The following KIF6 variants were observed in gnomAD, a reference collection of about 807,000 sequenced individuals.
The protein encoded by KIF6 is kinesin-like protein KIF6.
Under a neutral mutation model 112.7 loss-of-function variants are expected in KIF6, and 106 were observed. That is an observed-to-expected ratio of 0.94 (90% CI 0.80 to 1.11). The LOEUF (loss-of-function observed/expected upper bound fraction) is 1.11. KIF6 is among the 50% of genes least tolerant of loss of function. The probability of loss-of-function intolerance (pLI) is 0.00; values close to 1 mark genes in which losing one functional copy is unlikely to be tolerated. For synonymous variants in KIF6, 339 were observed against 339.9 expected, an observed-to-expected ratio of 1.00 and a Z score of 0.03; for missense variants, 929 against 964.0, an observed-to-expected ratio of 0.96 and a Z score of 0.48.
At chr6:39,494,482 T>G (rs529308330) in intron 13 of KIF6, among the ~76,000 whole-genome samples, 2 of 152,116 alleles carry the variant, frequency 1.3e-5, no homozygotes, top group African/African-American at 2.4e-5. Context: ...AGAGAAGAGG[T>G]AGATACTTCC....
intron 15 of KIF6, among the ~76,000 whole-genome samples, chr6:39,416,999 G>GCTCCTGC (rs562804689): frequency 5.8e-4 from 88 of 152,278 alleles, no homozygotes; most frequent in African/African-American, 2.0e-3. Flanking sequence ...TTCATGTCAT[G>GCTCCTGC]CTCCTGCCTC....
At chr6:39,540,285 C>A in intron 12 of KIF6, 64 bp from the exon 13 acceptor site, 1 of 1,020,136 alleles carries the variant, frequency 9.8e-7, no homozygotes, top group Admixed American at 2.2e-5. Flanking sequence ...CACAAATGTC[C>A]TAAGTGTCAT....
chr6:39,362,395 G>T, intron 17 of KIF6, 39 bp downstream of exon 17: 1 of 1,502,742 alleles, frequency 6.7e-7, no homozygotes, highest in Non-Finnish European at 9.3e-7. Flanking sequence ...GACCCTGGGA[G>T]GCTGGGCTCG....
intron 15 of KIF6, among the ~76,000 whole-genome samples, chr6:39,389,548 C>A (rs1767699224): frequency 6.6e-6 from 1 of 152,118 alleles, no homozygotes; most frequent in Non-Finnish European, 1.5e-5. Flanking sequence ...AAATAGGTGG[C>A]CCGTGTGCTC....
At chr6:39,547,043 G>A (rs1327193398) in intron 10 of KIF6, among the ~76,000 whole-genome samples, 1 of 152,148 alleles carries the variant, frequency 6.6e-6, no homozygotes, top group Non-Finnish European at 1.5e-5. Flanking sequence ...TCTTAATAAG[G>A]AAGGTTTAAG....
At chr6:39,394,850 A>G (rs1376202368) in intron 15 of KIF6, among the ~76,000 whole-genome samples, 2 of 152,244 alleles carry the variant, frequency 1.3e-5, no homozygotes, top group Non-Finnish European at 2.9e-5. Flanking sequence ...AGCTCCTTAT[A>G]AAAGATATCA....
chr6:39,397,808 G>A (rs896253809), intron 15 of KIF6, among the ~76,000 whole-genome samples: 6 of 152,084 alleles, frequency 3.9e-5, no homozygotes, highest in Non-Finnish European at 8.8e-5. Context: ...CAGGGGGAGC[G>A]GGAAATCAGA....
In KIF6 at chr6:39,378,700, GTGTGA is replaced by G. The variant is rs1413986430; in HGVS notation, c.1861+6917_1861+6921del. On this transcript the variant is annotated intron_variant, in intron 16 of 22. Coordinates refer to ENST00000287152, the MANE Select transcript of KIF6 (RefSeq NM_145027.6). This position sits in a 1 kb window ranked among gnomAD's most constrained non-coding sequence, Gnocchi z 5.0. The stretch of plus-strand genomic sequence containing the variant: ...GACACATTTCACATGCTGCTTGGTA[GTGTGA>G]TGTATCTTTTAAATTTTAACCACAG... Among the ~76,000 whole-genome samples, 5 of 152,328 alleles carry G rather than the reference GTGTGA, an allele frequency of 3.3e-5. No homozygotes were observed. The highest frequency in any genetic ancestry group is 7.3e-5 in the Non-Finnish European group (5 of 68,034).
At chr6:39,450,690 A>T (rs999743958) in intron 13 of KIF6, among the ~76,000 whole-genome samples, 1 of 152,156 alleles carries the variant, frequency 6.6e-6, no homozygotes, top group African/African-American at 2.4e-5. Context: ...CTGCAGTCCC[A>T]GCTACTCAGG....
intron 16 of KIF6, among the ~76,000 whole-genome samples, chr6:39,377,342 C>G (rs115339699): frequency 0.017 from 2,503 of 151,512 alleles, 84 homozygotes; most frequent in African/African-American, 0.058. Flanking sequence ...AGCCACTGTG[C>G]CTGCCCTGCC....
intron 13 of KIF6, among the ~76,000 whole-genome samples, chr6:39,476,560 G>C (rs555474976): frequency 6.6e-6 from 1 of 152,264 alleles, no homozygotes; most frequent in Admixed American, 6.5e-5. Context: ...AAGAAATGAA[G>C]CTAGAAGTAG....
intron 2 of KIF6, 122 bp downstream of exon 2, chr6:39,720,580 G>T: frequency 1.6e-6 from 1 of 614,868 alleles, no homozygotes; most frequent in Middle Eastern, 4.1e-4. Context: ...TAGGTGAGAT[G>T]AAGAGCTGCG....
chr6:39,681,569 C>T (rs1272254830), intron 3 of KIF6, among the ~76,000 whole-genome samples: 1 of 152,132 alleles, frequency 6.6e-6, no homozygotes, highest in East Asian at 1.9e-4. Flanking sequence ...TTTCAATACT[C>T]AAATCCTTCA....
In KIF6 at chr6:39,343,638, C is replaced by G. The variant is rs1763474983; in HGVS notation, c.2428+71G>C. The G allele has an allele frequency of 3.1e-6, 4 of 1,301,064 alleles. No homozygotes were observed. Among genetic ancestry groups the G allele is most frequent in the South Asian group, 2.8e-5 (2 of 71,792 alleles). 80.6% of individuals were successfully genotyped at this position (1,301,064 alleles called of 1,614,324 possible). A position where few individuals can be genotyped will look rare whatever the true frequency, so the allele number is the denominator to read the frequency against. ...AGGAAACTCCCTACTCCCCTCCCAC[C>G]TCACTGTGTGCTCCCCACAAGTGTT... On this transcript the variant is annotated intron_variant, in intron 22 of 22. Coordinates refer to ENST00000287152, the MANE Select transcript of KIF6 (RefSeq NM_145027.6). This position sits in a 1 kb window ranked among gnomAD's most constrained non-coding sequence, Gnocchi z 4.1.
intron 3 of KIF6, among the ~76,000 whole-genome samples, chr6:39,672,125 T>C (rs1261758785): frequency 6.6e-6 from 1 of 152,244 alleles, no homozygotes; most frequent in Non-Finnish European, 1.5e-5. Flanking sequence ...GATAGTTCTG[T>C]GACCAGAAAT....
intron 10 of KIF6, among the ~76,000 whole-genome samples, chr6:39,560,335 A>G (rs1779945583): frequency 6.6e-6 from 1 of 152,268 alleles, no homozygotes; most frequent in South Asian, 2.1e-4. Context: ...AATAATTCAG[A>G]GAGCTATAAA....
At chr6:39,453,991 A>G (rs1378662291) in intron 13 of KIF6, among the ~76,000 whole-genome samples, 1 of 152,240 alleles carries the variant, frequency 6.6e-6, no homozygotes, top group Admixed American at 6.5e-5. Flanking sequence ...ATAGAAAAGC[A>G]GTGTTAAATA....
At chr6:39,383,381 CGGTT>C (rs1767137711) in intron 16 of KIF6, among the ~76,000 whole-genome samples, 1 of 151,776 alleles carries the variant, frequency 6.6e-6, no homozygotes, top group African/African-American at 2.4e-5. Context: ...TCTCTGCAAA[CGGTT>C]AGTTTTCCCA....
At chr6:39,490,673 A>C (rs146135603) in intron 13 of KIF6, among the ~76,000 whole-genome samples, 20 of 152,310 alleles carry the variant, frequency 1.3e-4, no homozygotes, top group African/African-American at 4.8e-4. Context: ...CCTAGGATTA[A>C]TATGGTGTAT....
Sources: allele counts gnomAD v4.1 joint callset (sites outside exome capture counted in the v4.1 genomes callset), GRCh38; gene constraint gnomAD v4.1.1; non-coding constraint Gnocchi (gnomAD v3.1); transcripts MANE v1.5; gene names NCBI Gene and HGNC (gene_info 2026-07-23, HGNC 2026-07-21).